Variants in PTTG1IP observed in about 807,000 individuals in gnomAD.
PTTG1IP encodes pituitary tumor-transforming gene 1 protein-interacting protein.
In PTTG1IP, 16 loss-of-function variants were observed where a neutral mutation model predicts 24.4. That is an observed-to-expected ratio of 0.66 (90% CI 0.44 to 1.00). The LOEUF (loss-of-function observed/expected upper bound fraction) is 1.00, where lower values mean the gene tolerates loss of function less well. Ranked by LOEUF, PTTG1IP falls within the 50% of genes least tolerant of loss-of-function variation. The pLI, the probability that PTTG1IP is intolerant of heterozygous loss-of-function variation, is 0.00. For missense variants in PTTG1IP, 241 were observed against 245.8 expected, an observed-to-expected ratio of 0.98 and a Z score of 0.13; for synonymous variants, 89 against 96.8, an observed-to-expected ratio of 0.92 and a Z score of 0.47.
chr21:44,860,137 G>T (rs1423601491), intron 3 of PTTG1IP, among the ~76,000 whole-genome samples: 1 of 152,190 alleles, frequency 6.6e-6, no homozygotes, highest in East Asian at 1.9e-4. Flanking sequence ...GGGAGGCTGA[G>T]GTGGGCAGAT....
chr21:44,851,359 G>A lies in PTTG1IP; in HGVS notation c.*222C>T. 1 of 1,509,500 alleles carries A rather than the reference G, an allele frequency of 6.6e-7. No homozygotes were observed. The allele number at this position is 1,509,500 out of a possible 1,614,324, so 93.5% of individuals were successfully genotyped here. ...ACCCCAAAGATTTCTTATTTCAAGT[G>A]ACTAAATCTAGAAACAGAGATGAAC... On this transcript the variant is annotated 3_prime_UTR_variant, in exon 6 of 6. Coordinates refer to ENST00000330938, the MANE Select transcript of PTTG1IP (RefSeq NM_004339.4).
At chr21:44,858,892 G>A (rs1184668287) in intron 3 of PTTG1IP, among the ~76,000 whole-genome samples, 1 of 152,172 alleles carries the variant, frequency 6.6e-6, no homozygotes, top group Admixed American at 6.5e-5. Context: ...GAAGGATGTG[G>A]AGCAACCAAG....
At chr21:44,855,547 T>C (rs1442124090) in intron 4 of PTTG1IP, among the ~76,000 whole-genome samples, 2 of 152,218 alleles carry the variant, frequency 1.3e-5, no homozygotes, top group African/African-American at 2.4e-5. Flanking sequence ...AAAAAGCTTT[T>C]TTCATACAAA....
intron 2 of PTTG1IP, chr21:44,861,717 C>CTGTG: frequency 1.4e-6 from 1 of 716,648 alleles, no homozygotes; most frequent in South Asian, 1.5e-5. Flanking sequence ...CCTCCACCCC[C>CTGTG]TCCTCCTCAC....
chr21:44,868,175 G>A (rs1569327235), intron 1 of PTTG1IP, among the ~76,000 whole-genome samples: 1 of 152,192 alleles, frequency 6.6e-6, no homozygotes, highest in Non-Finnish European at 1.5e-5. Flanking sequence ...GAGAGACAGG[G>A]TTACAGGAAA....
intron 3 of PTTG1IP, among the ~76,000 whole-genome samples, chr21:44,859,974 C>T (rs931380038): frequency 2.0e-5 from 3 of 152,170 alleles, no homozygotes; most frequent in Non-Finnish European, 4.4e-5. Flanking sequence ...AGTTTAGGAA[C>T]CCTATGTATT....
At chr21:44,859,891 G>A (rs1446972817) in intron 3 of PTTG1IP, among the ~76,000 whole-genome samples, 1 of 152,174 alleles carries the variant, frequency 6.6e-6, no homozygotes, top group Non-Finnish European at 1.5e-5. Flanking sequence ...GACGTAAGTT[G>A]CAGAGGGATC....
At chr21:44,865,488 C>T (rs1004704529) in intron 1 of PTTG1IP, 41 bp from the exon 2 acceptor site, 5 of 1,605,650 alleles carry the variant, frequency 3.1e-6, no homozygotes, top group Non-Finnish European at 4.3e-6. Flanking sequence ...CACTGAGAAT[C>T]AGGCAGTGTA....
In PTTG1IP at chr21:44,861,845, C is replaced by T. The variant is rs554958822; in HGVS notation, c.169-574G>A. On this transcript the variant is annotated intron_variant, in intron 2 of 5. Coordinates refer to ENST00000330938, the MANE Select transcript of PTTG1IP (RefSeq NM_004339.4). ...CAGCCTGGCCCATCACAGGCACTCACTGAGTTTGTGTTGAATGGACTTGGG... is the reference window on the plus strand; with the variant it reads ...CAGCCTGGCCCATCACAGGCACTCATTGAGTTTGTGTTGAATGGACTTGGG... 6.7e-5 allele frequency: 48 copies of T among 717,556 alleles called. No homozygotes were observed. The African/African-American group carries it at 7.8e-4, about 12-fold the overall frequency. The allele number at this position is 717,556 out of a possible 1,614,324, so 44.4% of individuals were successfully genotyped here.
At chr21:44,858,765 A>G (rs927869181) in intron 3 of PTTG1IP, among the ~76,000 whole-genome samples, 2 of 152,236 alleles carry the variant, frequency 1.3e-5, no homozygotes, top group East Asian at 1.9e-4. Context: ...CACCACTTGT[A>G]AAGGTGCTCA....
chr21:44,861,540 A>C lies in PTTG1IP; in HGVS notation c.169-269T>G, dbSNP rs570178779. On this transcript the variant is annotated intron_variant, in intron 2 of 5. Transcript: ENST00000330938. ...TTCCACAACTCACCCTGCTGAGGCC[A>C]CGGGGCCTCTGTGTTGGCAGCCTCC... Among the ~76,000 whole-genome samples the C allele has an allele frequency of 2.0e-5, 3 of 152,118 alleles. No individual in the cohort carries two copies. In the East Asian group the frequency reaches 5.8e-4, roughly 29 times the overall value.
Position 44,850,584 on chromosome 21 carries a change from G to A in PTTG1IP, c.*997C>T, listed in dbSNP as rs1050947434. Reference sequence around the variant, plus strand: ...GCTGACTCTGGACACACCTGCTTCCGGGGCACGTGGCCCAGAGCCGGGCCT... The same window carrying A: ...GCTGACTCTGGACACACCTGCTTCCAGGGCACGTGGCCCAGAGCCGGGCCT... On this transcript the variant is annotated 3_prime_UTR_variant, in exon 6 of 6. Coordinates refer to ENST00000330938, the MANE Select transcript of PTTG1IP (RefSeq NM_004339.4). 5 of 152,290 alleles carry A rather than the reference G, an allele frequency of 3.3e-5. No homozygotes were observed. Among genetic ancestry groups the A allele is most frequent in the Admixed American group, 2.0e-4 (3 of 15,290 alleles). 9.4% of individuals were successfully genotyped at this position (152,290 alleles called of 1,614,324 possible). A position where few individuals can be genotyped will look rare whatever the true frequency, so the allele number is the denominator to read the frequency against.
At chr21:44,862,886 C>A (rs1289336852) in intron 2 of PTTG1IP, among the ~76,000 whole-genome samples, 1 of 152,176 alleles carries the variant, frequency 6.6e-6, no homozygotes, top group Non-Finnish European at 1.5e-5. Context: ...TTTGGCTAAT[C>A]CTCCCTTTTC....
chr21:44,862,953 G>C (rs1024432263), intron 2 of PTTG1IP, among the ~76,000 whole-genome samples: 2 of 151,774 alleles, frequency 1.3e-5, no homozygotes, highest in Non-Finnish European at 3.0e-5. Context: ...GTGGTACCAT[G>C]AGCCACAGGA....
At chr21:44,856,419 C>T in intron 3 of PTTG1IP, 55 bp from the exon 4 acceptor site, 1 of 1,546,920 alleles carries the variant, frequency 6.5e-7, no homozygotes, top group Middle Eastern at 1.7e-4. Context: ...ACCCACCCAG[C>T]ACAGCAGCCT....
chr21:44,862,982 G>T (rs2083503863), intron 2 of PTTG1IP, among the ~76,000 whole-genome samples: 1 of 151,962 alleles, frequency 6.6e-6, no homozygotes, highest in Non-Finnish European at 1.5e-5. Context: ...GGAGGATACG[G>T]TGTTCTCTGG....
At chr21:44,863,781 G>C (rs117995850) in intron 2 of PTTG1IP, among the ~76,000 whole-genome samples, 2,591 of 152,362 alleles carry the variant, frequency 0.017, 25 homozygotes, top group Middle Eastern at 0.034. Context: ...GTCAAGATCT[G>C]AAACCACAGA....
chr21:44,851,716 G>A, intron 5 of PTTG1IP, 89 bp from the exon 6 acceptor site: 1 of 1,450,340 alleles, frequency 6.9e-7, no homozygotes, highest in Non-Finnish European at 9.3e-7. Flanking sequence ...TTTATAAGAA[G>A]ATTTACTGAG....
intron 2 of PTTG1IP, chr21:44,861,672 C>G (rs1355163602): frequency 1.4e-6 from 1 of 713,644 alleles, no homozygotes; most frequent in Non-Finnish European, 2.6e-6. Flanking sequence ...CTGGATGGGC[C>G]CTGCCTCGAT....
Sources: gnomAD v4.1 joint callset for allele counts (sites outside exome capture counted in the v4.1 genomes callset) on GRCh38, gnomAD v4.1.1 for gene constraint, MANE v1.5 for transcripts, NCBI Gene and HGNC (gene_info 2026-07-23, HGNC 2026-07-21) for gene names.